The following BRINP3 variants were observed in gnomAD, a reference collection of about 807,000 sequenced individuals.
The protein encoded by BRINP3 is BMP/retinoic acid inducible neural specific 3.
BRINP3 carries 19 observed loss-of-function variants against 71.0 expected under a neutral mutation model. The observed-to-expected ratio is 0.27, with a 90% CI of 0.19 to 0.39. BRINP3 has a LOEUF of 0.39. BRINP3 is among the 10% of genes least tolerant of loss of function. The pLI is 1.00. For synonymous variants in BRINP3, 380 were observed against 337.7 expected, an observed-to-expected ratio of 1.13 and a Z score of -1.37; for missense variants, 959 against 940.8, an observed-to-expected ratio of 1.02 and a Z score of -0.25.
chr1:190,131,433 C>A (rs928811320), intron 7 of BRINP3, among the ~76,000 whole-genome samples: 3 of 152,002 alleles, frequency 2.0e-5, no homozygotes, highest in Non-Finnish European at 4.4e-5. Flanking sequence ...CATAATATCT[C>A]TGTCAATGTA....
chr1:190,340,940 T>G (rs2103110809), intron 2 of BRINP3, among the ~76,000 whole-genome samples: 1 of 151,946 alleles, frequency 6.6e-6, no homozygotes, highest in East Asian at 2.0e-4. Flanking sequence ...TTTTAAGGCT[T>G]AAAGATGTAT....
chr1:190,111,560 T>C (rs972594016), intron 7 of BRINP3, among the ~76,000 whole-genome samples: 1 of 152,170 alleles, frequency 6.6e-6, no homozygotes, highest in African/African-American at 2.4e-5. Context: ...CCCTTAGAGT[T>C]AGAGGTAGCT....
At chr1:190,301,182 T>C (rs1416735783) in intron 2 of BRINP3, among the ~76,000 whole-genome samples, 2 of 114,918 alleles carry the variant, frequency 1.7e-5, no homozygotes, top group African/African-American at 6.4e-5. Context: ...TATACATATA[T>C]ATATGTATAT....
chr1:190,186,069 T>C (rs1653489795), intron 6 of BRINP3, among the ~76,000 whole-genome samples: 1 of 152,098 alleles, frequency 6.6e-6, no homozygotes. Context: ...GTCATTTATA[T>C]ATATATTTTT....
In BRINP3 at chr1:190,391,436, T is replaced by C. The variant is rs150283708; in HGVS notation, c.236+63219A>G. 2.5e-4 allele frequency among the ~76,000 whole-genome samples: 38 copies of C among 151,962 alleles called. 1 individual carries two copies. The East Asian group carries it at 7.2e-3, about 29-fold the overall frequency. On this transcript the variant is annotated intron_variant, in intron 2 of 7. Coordinates refer to ENST00000367462, the MANE Select transcript of BRINP3 (RefSeq NM_199051.3). ...GTCTATACTTAGTATCATTAGCATT[T>C]TAATTGGAAAGATCATTTATGTCGA...
At chr1:190,224,115 T>A (rs1657120985) in intron 6 of BRINP3, among the ~76,000 whole-genome samples, 1 of 151,568 alleles carries the variant, frequency 6.6e-6, no homozygotes, top group South Asian at 2.1e-4. Context: ...AGTGGCATTC[T>A]TCACAGAAAT....
At chr1:190,247,936 A>G (rs1659760018) in intron 4 of BRINP3, among the ~76,000 whole-genome samples, 1 of 151,856 alleles carries the variant, frequency 6.6e-6, no homozygotes, top group Admixed American at 6.6e-5. Flanking sequence ...TAGACACTCT[A>G]TCTTCGACAA....
At chr1:190,286,204 T>A (rs990832512) in intron 2 of BRINP3, among the ~76,000 whole-genome samples, 2 of 152,178 alleles carry the variant, frequency 1.3e-5, no homozygotes, top group African/African-American at 4.8e-5. Flanking sequence ...AACTCTGATG[T>A]GCAATCATCT....
chr1:190,349,319 A>G (rs1668221692), intron 2 of BRINP3, among the ~76,000 whole-genome samples: 1 of 152,078 alleles, frequency 6.6e-6, no homozygotes. Flanking sequence ...TAGTTTACAG[A>G]GATAGTAGGC....
chr1:190,270,069 G>A (rs1445562675), intron 3 of BRINP3, among the ~76,000 whole-genome samples: 1 of 151,904 alleles, frequency 6.6e-6, no homozygotes, highest in Non-Finnish European at 1.5e-5. Context: ...ATCTCATAAA[G>A]TGGATAAAAA....
intron 4 of BRINP3, among the ~76,000 whole-genome samples, chr1:190,261,279 G>A (rs1017693966): frequency 6.6e-6 from 1 of 151,588 alleles, no homozygotes; most frequent in East Asian, 1.9e-4. Flanking sequence ...ATTGAGTCTC[G>A]GTAGAAAATA....
At chr1:190,352,528 G>T (rs1174505685) in intron 2 of BRINP3, among the ~76,000 whole-genome samples, 1 of 151,862 alleles carries the variant, frequency 6.6e-6, no homozygotes, top group Non-Finnish European at 1.5e-5. Flanking sequence ...AAAATTCAAT[G>T]ATTAAAAATA....
intron 6 of BRINP3, among the ~76,000 whole-genome samples, chr1:190,167,822 T>C (rs920219077): frequency 6.6e-6 from 1 of 152,140 alleles, no homozygotes; most frequent in Non-Finnish European, 1.5e-5. Flanking sequence ...TTATTAAAAA[T>C]ATTCAAAGGG....
intron 2 of BRINP3, among the ~76,000 whole-genome samples, chr1:190,414,668 C>G (rs1187048104): frequency 6.6e-6 from 1 of 152,142 alleles, no homozygotes; most frequent in Admixed American, 6.5e-5. Flanking sequence ...GTTGCATCCA[C>G]CAATATCCAT....
At chr1:190,168,935 C>T (rs1394991369) in intron 6 of BRINP3, among the ~76,000 whole-genome samples, 1 of 152,080 alleles carries the variant, frequency 6.6e-6, no homozygotes, top group Non-Finnish European at 1.5e-5. Flanking sequence ...CACAATTTTT[C>T]TTTCATATGT....
intron 2 of BRINP3, among the ~76,000 whole-genome samples, chr1:190,438,397 C>T (rs1007912468): frequency 1.3e-5 from 2 of 151,506 alleles, no homozygotes; most frequent in Admixed American, 6.6e-5. Flanking sequence ...TCACTTCTCT[C>T]GATATATGTA....
intron 6 of BRINP3, among the ~76,000 whole-genome samples, chr1:190,165,443 G>GTTTTTTTTTTTTTTTTTTT (rs1222291505): frequency 2.1e-5 from 1 of 46,606 alleles, no homozygotes; most frequent in Non-Finnish European, 3.5e-5. Context: ...TTCATTGGCT[G>GTTTTTTTTTTTTTTTTTTT]TTTTTTTTTT....
At position 190,263,060 on chromosome 1, in the gene BRINP3, C is replaced by T. The variant is rs182663191; in HGVS notation, c.618+1805G>A. ...ACTGTTGTATAATTTCACAGACACA[C>T]TTGGTGCTGAACAGCAACAACAAAA... is the stretch of plus-strand genomic sequence containing the variant. On this transcript the variant is annotated intron_variant, in intron 4 of 7. Coordinates refer to ENST00000367462, the MANE Select transcript of BRINP3 (RefSeq NM_199051.3). Among the ~76,000 whole-genome samples, 387 of 152,208 alleles carry T rather than the reference C, an allele frequency of 2.5e-3. 1 individual carries two copies. Among genetic ancestry groups the T allele is most frequent in the Non-Finnish European group, 4.2e-3 (285 of 68,002 alleles).
intron 2 of BRINP3, among the ~76,000 whole-genome samples, chr1:190,406,297 C>T (rs551735755): frequency 6.6e-6 from 1 of 152,250 alleles, no homozygotes; most frequent in South Asian, 2.1e-4. Context: ...GAGAAATCAG[C>T]AAAGAATAAT....
Sources: allele counts gnomAD v4.1 joint callset (sites outside exome capture counted in the v4.1 genomes callset), GRCh38; gene constraint gnomAD v4.1.1; transcripts MANE v1.5; gene names NCBI Gene and HGNC (gene_info 2026-07-23, HGNC 2026-07-21).